The following KMT5B variants were observed in gnomAD, a reference collection of about 807,000 sequenced individuals.
The protein encoded by KMT5B is lysine methyltransferase 5B, also known as histone-lysine N-methyltransferase KMT5B.
KMT5B carries 10 observed loss-of-function variants against 83.2 expected under a neutral mutation model. The observed-to-expected ratio is 0.12, with a 90% confidence interval of 0.07 to 0.20. The LOEUF (loss-of-function observed/expected upper bound fraction) is 0.20, where lower values mean the gene tolerates loss of function less well. KMT5B is among the 10% of genes least tolerant of loss of function. The pLI, the probability that KMT5B is intolerant of heterozygous loss-of-function variation, is 1.00. For missense variants in KMT5B, 753 were observed against 1,067.2 expected, an observed-to-expected ratio of 0.71 and a Z score of 4.10; for synonymous variants, 349 against 388.8, an observed-to-expected ratio of 0.90 and a Z score of 1.20.
chr11:68,191,930 T>C (rs1425699674), intron 1 of KMT5B, among the ~76,000 whole-genome samples: 1 of 152,226 alleles, frequency 6.6e-6, no homozygotes, highest in Admixed American at 6.5e-5. Context: ...CCTTCACAGG[T>C]GTACCATTTT....
intron 1 of KMT5B, among the ~76,000 whole-genome samples, chr11:68,199,822 G>T (rs1309205639): frequency 6.6e-6 from 1 of 152,176 alleles, no homozygotes; most frequent in Non-Finnish European, 1.5e-5. Context: ...TTTTCTGAAG[G>T]TTCCGCTGAT....
At chr11:68,163,919 C>G (rs949453954) in intron 10 of KMT5B, among the ~76,000 whole-genome samples, 11 of 152,174 alleles carry the variant, frequency 7.2e-5, no homozygotes, top group African/African-American at 2.4e-4. Context: ...CAACTTCTCC[C>G]TCTGGCCGAT....
chr11:68,166,925 A>T (rs757199338), intron 10 of KMT5B, 57 bp downstream of exon 10: 1 of 1,600,644 alleles, frequency 6.2e-7, no homozygotes, highest in Admixed American at 1.7e-5. Flanking sequence ...CACTTTATAA[A>T]GCAAATTGTG....
chr11:68,179,858 A>G, intron 4 of KMT5B: 2 of 409,672 alleles, frequency 4.9e-6, no homozygotes, highest in South Asian at 3.2e-5. Context: ...CCAAAAACAT[A>G]CCTGGCTGAG....
chr11:68,192,825 A>G (rs1243182646), intron 1 of KMT5B, among the ~76,000 whole-genome samples: 36 of 152,232 alleles, frequency 2.4e-4, no homozygotes, highest in Admixed American at 2.4e-3. Flanking sequence ...CAATATTCAG[A>G]TATCAAAGTA....
chr11:68,213,495 G>T (rs1565274156), upstream of KMT5B: 1 of 150,196 alleles, frequency 6.7e-6, no homozygotes, highest in African/African-American at 2.4e-5. Flanking sequence ...GCGCACGGCC[G>T]CCCGTACGAA....
intron 1 of KMT5B, among the ~76,000 whole-genome samples, chr11:68,191,730 T>A (rs1467748602): frequency 6.6e-6 from 1 of 152,304 alleles, no homozygotes; most frequent in South Asian, 2.1e-4. Flanking sequence ...CTTTATAAAG[T>A]AAAACAGTTA....
At chr11:68,161,377 G>A (rs924891582) in intron 10 of KMT5B, among the ~76,000 whole-genome samples, 2 of 152,124 alleles carry the variant, frequency 1.3e-5, no homozygotes, top group African/African-American at 2.4e-5. Flanking sequence ...ATGTGGCTAC[G>A]ATGATCCTTT....
At chr11:68,201,361 C>T (rs538808528) in intron 1 of KMT5B, among the ~76,000 whole-genome samples, 1 of 152,314 alleles carries the variant, frequency 6.6e-6, no homozygotes, top group East Asian at 1.9e-4. Flanking sequence ...AGCATTGATT[C>T]ATAGAAAATG....
intron 1 of KMT5B, among the ~76,000 whole-genome samples, chr11:68,207,337 T>A (rs1183015055): frequency 1.3e-5 from 2 of 152,116 alleles, no homozygotes; most frequent in Non-Finnish European, 2.9e-5. Flanking sequence ...TCAAACAGAT[T>A]ATTTTCACAC....
intron 1 of KMT5B, among the ~76,000 whole-genome samples, chr11:68,194,872 G>A (rs1858521634): frequency 6.6e-6 from 1 of 152,172 alleles, no homozygotes; most frequent in Non-Finnish European, 1.5e-5. Flanking sequence ...CCTATAAAAA[G>A]CTGCATTAAC....
intron 1 of KMT5B, among the ~76,000 whole-genome samples, chr11:68,199,774 A>C (rs1859190885): frequency 6.6e-6 from 1 of 152,252 alleles, no homozygotes; most frequent in East Asian, 1.9e-4. Flanking sequence ...TAGTGGCTGC[A>C]GCAGCAGAGG....
In KMT5B at chr11:68,167,030, C is replaced by G. The variant is rs1180920824; in HGVS notation, c.1126G>C (p.Val376Leu). 1 of 1,614,040 alleles carries G rather than the reference C, an allele frequency of 6.2e-7. No individual in the cohort carries two copies. The highest frequency in any genetic ancestry group is 8.5e-7 in the Non-Finnish European group (1 of 1,180,032). Residue 376 changes from valine (V) to leucine (L), a missense_variant, in exon 10 of 11, where the codon GTC becomes CTC. Coordinates refer to ENST00000304363, the MANE Select transcript of KMT5B (RefSeq NM_017635.5). Reference protein sequence around the residue: ...DSSKNSDSQSVSSNTDADTTQ... With the variant: ...DSSKNSDSQSLSSNTDADTTQ... ...GTATCTGCATCAGTGTTAGAGCTGACAGATTGACTGTCTGAATTTTTGCTG... is the reference window on the plus strand; with the variant it reads ...GTATCTGCATCAGTGTTAGAGCTGAGAGATTGACTGTCTGAATTTTTGCTG...
chr11:68,178,965 A>G (rs1356039370), intron 4 of KMT5B, among the ~76,000 whole-genome samples: 1 of 152,236 alleles, frequency 6.6e-6, no homozygotes, highest in African/African-American at 2.4e-5. Context: ...TGAGGAAAAT[A>G]AGGCCCAACA....
rs143844041 is a variant in KMT5B at position 68,174,060 on chromosome 11, A to G, written c.544-147T>C. The G allele has an allele frequency of 8.9e-5, 61 of 683,108 alleles. No homozygotes were observed. In the African/African-American group the frequency reaches 1.0e-3, roughly 11 times the overall value. 42.3% of individuals were successfully genotyped at this position (683,108 alleles called of 1,614,324 possible). ...ATAGCGAGACCCTGTCTCTACGAAA[A>G]ACATTAGCCAAGCATGATGGCATGT... On this transcript the variant is annotated intron_variant, in intron 5 of 10. Transcript: ENST00000304363.
intron 1 of KMT5B, among the ~76,000 whole-genome samples, chr11:68,204,097 G>A (rs545297805): frequency 6.6e-6 from 1 of 152,198 alleles, no homozygotes; most frequent in South Asian, 2.1e-4. Flanking sequence ...GTCTGAAGCT[G>A]AGCAGTTTAC....
At chr11:68,173,478 T>C (rs1856044463) in intron 6 of KMT5B, among the ~76,000 whole-genome samples, 1 of 152,194 alleles carries the variant, frequency 6.6e-6, no homozygotes, top group South Asian at 2.1e-4. Context: ...CAACCTTTCT[T>C]CTAGGCCAGT....
chr11:68,205,653 C>T (rs1860007565), intron 1 of KMT5B, among the ~76,000 whole-genome samples: 1 of 149,244 alleles, frequency 6.7e-6, no homozygotes, highest in Middle Eastern at 3.5e-3. Context: ...CGGAGTCTCA[C>T]TCTGTCCACC....
intron 1 of KMT5B, among the ~76,000 whole-genome samples, chr11:68,205,295 G>A (rs892590208): frequency 6.6e-6 from 1 of 151,978 alleles, no homozygotes; most frequent in Non-Finnish European, 1.5e-5. Flanking sequence ...TCCAGCCTGG[G>A]TGACAGAGTG....
Sources: allele counts gnomAD v4.1 joint callset (sites outside exome capture counted in the v4.1 genomes callset), GRCh38; gene constraint gnomAD v4.1.1; transcripts MANE v1.5; gene names NCBI Gene and HGNC (gene_info 2026-07-23, HGNC 2026-07-21).